Variants in PMPCB observed in about 807,000 individuals in gnomAD.
The protein encoded by PMPCB is mitochondrial-processing peptidase subunit beta.
PMPCB carries 46 observed loss-of-function variants against 61.5 expected under a neutral mutation model. The ratio of observed to expected loss-of-function variants is 0.75; its 90% CI spans 0.59 to 0.96. The LOEUF (loss-of-function observed/expected upper bound fraction) is 0.96, where lower values mean the gene tolerates loss of function less well. Among genes scored for constraint, PMPCB ranks in the 40% least tolerant of loss-of-function variants. The pLI is 0.00. For synonymous variants in PMPCB, 191 were observed against 201.6 expected, an observed-to-expected ratio of 0.95 and a Z score of 0.44; for missense variants, 590 against 602.4, an observed-to-expected ratio of 0.98 and a Z score of 0.22.
intron 2 of PMPCB, 35 bp from the exon 3 acceptor site, chr7:103,299,404 TAAAA>T: frequency 7.8e-7 from 1 of 1,288,996 alleles, no homozygotes; most frequent in Non-Finnish European, 1.1e-6. Context: ...CTCAAATAAA[TAAAA>T]TGAATTTATT....
intron 12 of PMPCB, chr7:103,322,146 T>G (rs970442830): frequency 8.3e-7 from 1 of 1,205,490 alleles, no homozygotes; most frequent in East Asian, 2.8e-5. Context: ...TTTTATAATT[T>G]TAAAAATTTA....
chr7:103,303,546 T>C (rs1159217215), intron 4 of PMPCB, among the ~76,000 whole-genome samples: 1 of 152,242 alleles, frequency 6.6e-6, no homozygotes, highest in Non-Finnish European at 1.5e-5. Flanking sequence ...AATTTTCATA[T>C]AGAACAATCT....
chr7:103,302,322 A>T (rs957361367), intron 4 of PMPCB, among the ~76,000 whole-genome samples: 2 of 152,210 alleles, frequency 1.3e-5, no homozygotes, highest in African/African-American at 4.8e-5. Context: ...TCCTTAATGT[A>T]TGTATACTTG....
chr7:103,345,121 A>G, the PMPCB span: 1 of 208,536 alleles, frequency 4.8e-6, no homozygotes, highest in Non-Finnish European at 9.5e-6. Context: ...TAGTATATAC[A>G]TTTGCGGAGA....
chr7:103,344,482 G>A, the PMPCB span: 4 of 1,539,778 alleles, frequency 2.6e-6, no homozygotes, highest in South Asian at 2.2e-5. Flanking sequence ...GGTAGAGAGA[G>A]CCCAGGGTTG....
intron 12 of PMPCB, among the ~76,000 whole-genome samples, chr7:103,320,340 A>G (rs1381545636): frequency 6.6e-6 from 1 of 151,940 alleles, no homozygotes; most frequent in Non-Finnish European, 1.5e-5. Flanking sequence ...CACCCGCCTC[A>G]GCCTCCCAAA....
chr7:103,336,167 CAAAA>C, the PMPCB span: 1 of 151,902 alleles, frequency 6.6e-6, no homozygotes, highest in African/African-American at 2.4e-5. Context: ...AATTCTGTCT[CAAAA>C]AAAGACAGTG....
At chr7:103,338,267 CTTT>C in the PMPCB span, among the ~76,000 whole-genome samples, 2 of 124,114 alleles carry the variant, frequency 1.6e-5, no homozygotes, top group Non-Finnish European at 3.4e-5. Context: ...AAGACCCTGT[CTTT>C]TTTTTTTTTT....
chr7:103,330,964 A>AT (rs1040881184), downstream of PMPCB, among the ~76,000 whole-genome samples: 134 of 139,190 alleles, frequency 9.6e-4, no homozygotes, highest in South Asian at 4.6e-3. Flanking sequence ...AACAAAATCC[A>AT]TTTTTTTTTT....
intron 2 of PMPCB, 138 bp downstream of exon 2, chr7:103,298,846 T>C: frequency 2.6e-6 from 2 of 759,294 alleles, no homozygotes; most frequent in South Asian, 1.8e-5. Context: ...TTCCATGAGT[T>C]GTGAACCTTT....
At chr7:103,301,926 T>C (rs1817462522) in intron 4 of PMPCB, among the ~76,000 whole-genome samples, 1 of 152,206 alleles carries the variant, frequency 6.6e-6, no homozygotes, top group Non-Finnish European at 1.5e-5. Context: ...ACATTAGGTA[T>C]ATCTCCTAAC....
the PMPCB span, chr7:103,337,423 G>C: frequency 3.2e-5 from 7 of 219,472 alleles, no homozygotes; most frequent in African/African-American, 1.6e-4. Flanking sequence ...ACTAAGTGCA[G>C]CTGCTATACT....
At position 103,298,659 on chromosome 7, in the gene PMPCB, A is replaced by G; in HGVS notation, c.191A>G (p.Glu64Gly). The change falls in exon 2 of 13, where the codon GAA becomes GGA. Residue 64 changes from glutamate (E) to glycine (G), a missense_variant. Coordinates refer to ENST00000249269, the MANE Select transcript of PMPCB (RefSeq NM_004279.3). Reference sequence around the variant, plus strand: ...CCTGAAACAAGAGTAACATGTTTAGAAAGTGGACTCAGAGTAGCTTCGGAA... The same window carrying G: ...CCTGAAACAAGAGTAACATGTTTAGGAAGTGGACTCAGAGTAGCTTCGGAA... ...NVPETRVTCL[E>G]SGLRVASEDS... The G allele has an allele frequency of 6.2e-7, 1 of 1,614,140 alleles. No homozygotes were observed. The highest frequency in any genetic ancestry group is 8.5e-7 in the Non-Finnish European group (1 of 1,179,970).
downstream of PMPCB, among the ~76,000 whole-genome samples, chr7:103,314,895 T>G (rs1046078380): frequency 6.6e-6 from 1 of 152,212 alleles, no homozygotes; most frequent in African/African-American, 2.4e-5. Flanking sequence ...AAGAAAGGAT[T>G]GGTGGCTCAC....
At chr7:103,337,736 G>A in the PMPCB span, 6 of 1,610,398 alleles carry the variant, frequency 3.7e-6, no homozygotes, top group East Asian at 8.9e-5. Flanking sequence ...AAGTACTTAC[G>A]AGCTGCTTTG....
chr7:103,313,413 T>A lies in PMPCB; in HGVS notation c.*1142T>A. The A allele has an allele frequency of 2.0e-6, 2 of 984,046 alleles. No homozygotes were observed. Among genetic ancestry groups the A allele is most frequent in the Non-Finnish European group, 2.4e-6 (2 of 828,650 alleles). The allele number at this position is 984,046 out of a possible 1,614,324, so 61.0% of individuals were successfully genotyped here. A position where few individuals can be genotyped will look rare whatever the true frequency, so the allele number is the denominator to read the frequency against. Reference sequence around the variant, plus strand: ...GACTGGTAAAAAGCCATATTTAAATTTATAGTACTGTTGGACTCTTGGACT... The same window carrying A: ...GACTGGTAAAAAGCCATATTTAAATATATAGTACTGTTGGACTCTTGGACT... On this transcript the variant is annotated 3_prime_UTR_variant, in exon 13 of 13. Transcript: ENST00000249269.
At chr7:103,330,443 A>G (rs1818919861), downstream of PMPCB, among the ~76,000 whole-genome samples, 1 of 151,830 alleles carries the variant, frequency 6.6e-6, no homozygotes, top group Non-Finnish European at 1.5e-5. Flanking sequence ...GCTCTCCACC[A>G]TGCCTTGCTA....
Position 103,297,556 on chromosome 7 carries a change from C to T in PMPCB, c.97C>T (p.Arg33Trp), listed in dbSNP as rs764893012. ...TCTTCTAATCCGAGGCGCTGCGGGA[C>T]GGGTGAGCTTCCCTCCAGGCCGGTC... ...ESLLIRGAAG[R>W]SLYFGENRLR... The change falls in exon 1 of 13, where the codon CGG (arginine) becomes TGG (tryptophan). Residue 33 changes from arginine to tryptophan, a missense_variant and splice_region_variant. Arg to Trp is a moderately radical substitution (Grantham distance 101, BLOSUM62 -3). Transcript: ENST00000249269. 5 of 1,610,690 alleles carry T rather than the reference C, an allele frequency of 3.1e-6. No individual in the cohort carries two copies. The highest frequency in any genetic ancestry group is 4.2e-6 in the Non-Finnish European group (5 of 1,178,022).
chr7:103,345,336 C>T, the PMPCB span, among the ~76,000 whole-genome samples: 3 of 152,036 alleles, frequency 2.0e-5, no homozygotes, highest in Admixed American at 1.3e-4. Flanking sequence ...TCAAGATATT[C>T]CCAATTATAG....
Sources: allele counts gnomAD v4.1 joint callset (sites outside exome capture counted in the v4.1 genomes callset), GRCh38; gene constraint gnomAD v4.1.1; transcripts MANE v1.5; gene names NCBI Gene and HGNC (gene_info 2026-07-23, HGNC 2026-07-21).